ROBO1: variants seen among roughly 807,000 people sequenced by gnomAD.
The protein encoded by ROBO1 is roundabout guidance receptor 1, also known as roundabout homolog 1.
Under a neutral mutation model 195.9 loss-of-function variants are expected in ROBO1, and 149 were observed. That is an observed-to-expected ratio of 0.76 (90% CI 0.67 to 0.87). ROBO1 has a LOEUF of 0.87. Among genes scored for constraint, ROBO1 ranks in the 40% least tolerant of loss-of-function variants. ROBO1 has a pLI of 0.00. For synonymous variants in ROBO1, 816 were observed against 733.2 expected, an observed-to-expected ratio of 1.11 and a Z score of -1.82; for missense variants, 1,933 against 2,068.3, an observed-to-expected ratio of 0.93 and a Z score of 1.27.
intron 1 of ROBO1, among the ~76,000 whole-genome samples, chr3:79,714,192 T>C (rs1702386026): frequency 6.6e-6 from 1 of 152,080 alleles, no homozygotes; most frequent in Non-Finnish European, 1.5e-5. Context: ...GAGAAGGATA[T>C]GAACAGACAC....
intron 1 of ROBO1, among the ~76,000 whole-genome samples, chr3:79,755,784 G>T (rs1704363091): frequency 6.6e-6 from 1 of 152,122 alleles, no homozygotes; most frequent in Non-Finnish European, 1.5e-5. Flanking sequence ...AGTCAGAAAG[G>T]GAGCAGATGC....
At position 78,784,018 on chromosome 3, in the gene ROBO1, T is replaced by C. The variant is rs540213439; in HGVS notation, c.500-37118A>G. ...TTTAAGCATCTAAGGTAAAAGTGAT[T>C]GTTAGGAAAGAGTACATAAGTAACT... is the stretch of plus-strand genomic sequence containing the variant. On this transcript the variant is annotated intron_variant, in intron 4 of 30. Coordinates refer to ENST00000464233, the MANE Select transcript of ROBO1 (RefSeq NM_002941.4). Among the ~76,000 whole-genome samples the C allele has an allele frequency of 2.6e-5, 4 of 152,250 alleles. No individual in the cohort carries two copies. In the South Asian group the frequency reaches 8.3e-4, roughly 32 times the overall value.
intron 3 of ROBO1, among the ~76,000 whole-genome samples, chr3:78,943,170 C>T (rs575170160): frequency 1.3e-5 from 2 of 150,604 alleles, no homozygotes; most frequent in East Asian, 3.9e-4. Context: ...GAGCCAAGAT[C>T]GTGCCACTGC....
At chr3:79,103,553 C>T (rs1367688127) in intron 3 of ROBO1, among the ~76,000 whole-genome samples, 2 of 151,670 alleles carry the variant, frequency 1.3e-5, no homozygotes, top group African/African-American at 2.4e-5. Context: ...TGCTAATGTT[C>T]TTCTATCTTT....
chr3:79,693,574 GT>G (rs915938020), intron 1 of ROBO1, among the ~76,000 whole-genome samples: 41 of 151,650 alleles, frequency 2.7e-4, no homozygotes, highest in African/African-American at 9.9e-4. Context: ...TAGGGCTACA[GT>G]TGTACACTAC....
chr3:79,665,879 A>T (rs976042299), intron 1 of ROBO1, among the ~76,000 whole-genome samples: 4 of 151,954 alleles, frequency 2.6e-5, no homozygotes, highest in African/African-American at 9.7e-5. Context: ...AGGAGTAGGT[A>T]GGCTGAAGGA....
In ROBO1 at chr3:79,574,338, C is replaced by T. The variant is rs563090258; in HGVS notation, c.88+15486G>A. ...CACATTACTATCTGTTTGTGTTTTT[C>T]GTGCACCTAACCCTTTTCCTAGCTT... On this transcript the variant is annotated intron_variant, in intron 2 of 30. Transcript: ENST00000464233. 2.6e-5 allele frequency among the ~76,000 whole-genome samples: 4 copies of T among 152,008 alleles called. No individual in the cohort carries two copies. The East Asian group carries it at 7.7e-4, about 29-fold the overall frequency.
chr3:78,630,997 A>G (rs1273855312), intron 25 of ROBO1, among the ~76,000 whole-genome samples, 164 bp downstream of exon 25: 1 of 152,152 alleles, frequency 6.6e-6, no homozygotes, highest in African/African-American at 2.4e-5. Context: ...GGAAGCAGCA[A>G]GGAGAATTTT....
At chr3:79,393,099 T>C (rs1390740839) in intron 2 of ROBO1, among the ~76,000 whole-genome samples, 1 of 152,232 alleles carries the variant, frequency 6.6e-6, no homozygotes, top group Non-Finnish European at 1.5e-5. Flanking sequence ...CTCAAGTCAC[T>C]GGCACACTGG....
chr3:78,896,779 T>C (rs2107427490), intron 4 of ROBO1, among the ~76,000 whole-genome samples: 1 of 152,088 alleles, frequency 6.6e-6, no homozygotes, highest in East Asian at 1.9e-4. Flanking sequence ...TGAAAATGCT[T>C]TTCTAGCCAG....
At chr3:79,674,096 A>T (rs979910461) in intron 1 of ROBO1, among the ~76,000 whole-genome samples, 1 of 152,018 alleles carries the variant, frequency 6.6e-6, no homozygotes, top group Non-Finnish European at 1.5e-5. Context: ...CATTTTAATG[A>T]TATTTATGAA....
intron 2 of ROBO1, among the ~76,000 whole-genome samples, chr3:79,285,143 C>T (rs142133333): frequency 4.6e-5 from 7 of 152,094 alleles, no homozygotes; most frequent in East Asian, 3.9e-4. Flanking sequence ...CATGTTCTTA[C>T]GAAGCATTTA....
At chr3:79,694,753 T>C (rs1332931631) in intron 1 of ROBO1, among the ~76,000 whole-genome samples, 1 of 151,726 alleles carries the variant, frequency 6.6e-6, no homozygotes, top group East Asian at 1.9e-4. Context: ...CAACATACAA[T>C]ATATGAAACA....
chr3:79,676,359 G>T (rs1946784312), intron 1 of ROBO1, among the ~76,000 whole-genome samples: 1 of 152,004 alleles, frequency 6.6e-6, no homozygotes, highest in Admixed American at 6.6e-5. Context: ...CACTATCACA[G>T]TCTTCGTGGG....
chr3:78,915,254 T>G (rs970571734), intron 4 of ROBO1, among the ~76,000 whole-genome samples: 1 of 152,084 alleles, frequency 6.6e-6, no homozygotes, highest in Non-Finnish European at 1.5e-5. Context: ...GTAAGAAACA[T>G]CAAGAATGTT....
At chr3:78,857,793 G>A (rs1432632707) in intron 4 of ROBO1, among the ~76,000 whole-genome samples, 1 of 152,182 alleles carries the variant, frequency 6.6e-6, no homozygotes, top group Non-Finnish European at 1.5e-5. Context: ...GGGAACCCAG[G>A]TTGGTCTCCC....
intron 3 of ROBO1, among the ~76,000 whole-genome samples, chr3:78,974,707 T>G (rs1039728297): frequency 6.6e-6 from 1 of 152,136 alleles, no homozygotes; most frequent in African/African-American, 2.4e-5. Flanking sequence ...AGATCACATC[T>G]AATGGTTTTT....
At chr3:78,906,359 A>G (rs937575348) in intron 4 of ROBO1, among the ~76,000 whole-genome samples, 1 of 152,160 alleles carries the variant, frequency 6.6e-6, no homozygotes, top group Non-Finnish European at 1.5e-5. Context: ...AATGGGACCA[A>G]TGGTGCCTTA....
intron 4 of ROBO1, among the ~76,000 whole-genome samples, chr3:78,848,293 A>T (rs186285684): frequency 6.6e-6 from 1 of 152,328 alleles, no homozygotes; most frequent in African/African-American, 2.4e-5. Context: ...CGCAACAGTA[A>T]TTGCATTACT....
Sources: gnomAD v4.1 joint callset for allele counts (sites outside exome capture counted in the v4.1 genomes callset) on GRCh38, gnomAD v4.1.1 for gene constraint, MANE v1.5 for transcripts, NCBI Gene and HGNC (gene_info 2026-07-23, HGNC 2026-07-21) for gene names.